NTN1: variants seen among roughly 807,000 people sequenced by gnomAD.
The protein encoded by NTN1 is netrin 1, also known as netrin-1.
In NTN1, 11 loss-of-function variants were observed where a neutral mutation model predicts 54.2. The observed-to-expected ratio is 0.20, with a 90% CI of 0.13 to 0.34. The LOEUF is 0.34. Among genes scored for constraint, NTN1 ranks in the 10% least tolerant of loss-of-function variants. NTN1 has a pLI of 1.00. For missense variants in NTN1, 740 were observed against 893.1 expected (o/e 0.83, Z 2.18); for synonymous variants, 371 against 382.0 (o/e 0.97, Z 0.33).
intron 3 of NTN1, among the ~76,000 whole-genome samples, chr17:9,164,835 A>G (rs966058794): frequency 6.6e-6 from 1 of 152,184 alleles, no homozygotes; most frequent in Non-Finnish European, 1.5e-5. Flanking sequence ...CCCCCAGAAG[A>G]CTGAGCAGAG....
At chr17:9,185,627 A>G (rs984591325) in intron 5 of NTN1, among the ~76,000 whole-genome samples, 5 of 151,998 alleles carry the variant, frequency 3.3e-5, no homozygotes, top group Non-Finnish European at 5.9e-5. Flanking sequence ...GGAAACAGGG[A>G]GGAAAGGAGA....
chr17:9,137,559 A>G (rs1597501985), intron 2 of NTN1, among the ~76,000 whole-genome samples: 1 of 152,154 alleles, frequency 6.6e-6, no homozygotes, highest in Non-Finnish European at 1.5e-5. Flanking sequence ...TTGGGAGGCC[A>G]AGGTGGGTGG....
At chr17:9,062,236 A>G (rs985957174) in intron 2 of NTN1, among the ~76,000 whole-genome samples, 1 of 152,198 alleles carries the variant, frequency 6.6e-6, no homozygotes, top group Non-Finnish European at 1.5e-5. Flanking sequence ...CCAATTCCGA[A>G]TGAGGGGCCA....
chr17:9,053,317 C>T (rs1019567618), intron 2 of NTN1, among the ~76,000 whole-genome samples: 8 of 152,120 alleles, frequency 5.3e-5, no homozygotes, highest in South Asian at 2.1e-4. Context: ...CCAACACTGG[C>T]GAAAATGGAA....
chr17:9,218,109 A>G (rs984267658), intron 5 of NTN1, among the ~76,000 whole-genome samples: 6 of 152,154 alleles, frequency 3.9e-5, no homozygotes, highest in African/African-American at 9.7e-5. Context: ...CCATCTGGGG[A>G]ACATTAAAAC....
chr17:9,218,021 A>C (rs1905251574), intron 5 of NTN1, among the ~76,000 whole-genome samples: 2 of 152,200 alleles, frequency 1.3e-5, no homozygotes, highest in South Asian at 4.1e-4. Flanking sequence ...TGCTCTGTGC[A>C]AATCATGGGT....
intron 2 of NTN1, among the ~76,000 whole-genome samples, chr17:9,042,837 C>G (rs1257521894): frequency 6.0e-5 from 9 of 150,732 alleles, no homozygotes; most frequent in Non-Finnish European, 1.0e-4. Flanking sequence ...CTTTATATTG[C>G]CTTTTGTATC....
chr17:9,163,109 C>T (rs991659380), intron 3 of NTN1, 108 bp downstream of exon 3: 11 of 1,140,346 alleles, frequency 9.6e-6, no homozygotes, highest in South Asian at 6.1e-5. Context: ...TACAAATTGG[C>T]GTTGTCTGAG....
chr17:9,107,805 T>C (rs1210356385), intron 2 of NTN1, among the ~76,000 whole-genome samples: 2 of 152,102 alleles, frequency 1.3e-5, no homozygotes, highest in African/African-American at 2.4e-5. Flanking sequence ...TGACAAAAAC[T>C]GCATGGGCCG....
In NTN1 at chr17:9,021,555, C is replaced by G. The variant is rs2091847957; in HGVS notation, c.-94C>G. The G allele has an allele frequency of 6.6e-6, 1 of 151,562 alleles. No individual in the cohort carries two copies. Among genetic ancestry groups the G allele is most frequent in the South Asian group, 1.8e-4 (1 of 5,470 alleles). The allele number at this position is 151,562 out of a possible 1,614,324, so 9.4% of individuals were successfully genotyped here. On this transcript the variant is annotated 5_prime_UTR_variant, in exon 1 of 7. Transcript: ENST00000173229. ...CGGCGGCGGAGCCTTCGGGGGCGAGCGCGCGTGTGTGTGAGTGCGCGCCGG... is the reference window on the plus strand; with the variant it reads ...CGGCGGCGGAGCCTTCGGGGGCGAGGGCGCGTGTGTGTGAGTGCGCGCCGG...
intron 2 of NTN1, among the ~76,000 whole-genome samples, chr17:9,069,191 T>C (rs947992547): frequency 6.6e-6 from 1 of 152,090 alleles, no homozygotes; most frequent in African/African-American, 2.4e-5. Flanking sequence ...AAAACACTTT[T>C]CCCAACTGCT....
chr17:9,155,159 C>T (rs1053042527), intron 2 of NTN1, among the ~76,000 whole-genome samples: 8 of 152,240 alleles, frequency 5.3e-5, no homozygotes, highest in Middle Eastern at 6.8e-3. Context: ...CTCTGGTCAC[C>T]GTTGAAAACA....
At chr17:9,190,385 T>C (rs987315353) in intron 5 of NTN1, among the ~76,000 whole-genome samples, 1 of 152,202 alleles carries the variant, frequency 6.6e-6, no homozygotes, top group African/African-American at 2.4e-5. Flanking sequence ...TGAAACACGA[T>C]TCCTAAATTC....
At chr17:9,082,094 C>A (rs1815160) in intron 2 of NTN1, among the ~76,000 whole-genome samples, 3 of 151,984 alleles carry the variant, frequency 2.0e-5, no homozygotes, top group Non-Finnish European at 4.4e-5. Flanking sequence ...GAGTCTTGCT[C>A]TGTCCCCCAG....
At position 9,236,431 on chromosome 17, in the gene NTN1, C is replaced by T. The variant is rs148343553; in HGVS notation, c.1487-3209C>T. The stretch of plus-strand genomic sequence containing the variant: ...TCTGTTTGAGGTCACTGTTGCAATG[C>T]GCATTTTGAATATTTTCAGCTGTAT... On this transcript the variant is annotated intron_variant, in intron 6 of 6. Transcript: ENST00000173229. Among the ~76,000 whole-genome samples the T allele has an allele frequency of 1.2e-3, 181 of 152,324 alleles. 1 individual carries two copies. The highest frequency in any genetic ancestry group is 4.0e-3 in the African/African-American group (165 of 41,566).
chr17:9,152,072 A>G (rs2092329158), intron 2 of NTN1, among the ~76,000 whole-genome samples: 1 of 152,192 alleles, frequency 6.6e-6, no homozygotes, highest in Non-Finnish European at 1.5e-5. Context: ...CATGAGTGGC[A>G]ATCCACTCGG....
chr17:9,190,470 C>T (rs2142326992), intron 5 of NTN1, among the ~76,000 whole-genome samples: 1 of 152,214 alleles, frequency 6.6e-6, no homozygotes, highest in Admixed American at 6.5e-5. Flanking sequence ...ATTTGCCCTA[C>T]CAGATATTTA....
At chr17:9,010,439 G>T in the NTN1 span, among the ~76,000 whole-genome samples, 1 of 152,188 alleles carries the variant, frequency 6.6e-6, no homozygotes, top group Non-Finnish European at 1.5e-5. Context: ...AGTGTTGTGG[G>T]GAGGGAAGGA....
chr17:9,016,580 T>C (rs1387311736), upstream of NTN1, among the ~76,000 whole-genome samples: 2 of 152,258 alleles, frequency 1.3e-5, no homozygotes, highest in Admixed American at 6.5e-5. Flanking sequence ...GTTACTCATT[T>C]TTAATTAATT....
Sources: gnomAD v4.1 joint callset for allele counts (sites outside exome capture counted in the v4.1 genomes callset) on GRCh38, gnomAD v4.1.1 for gene constraint, MANE v1.5 for transcripts, NCBI Gene and HGNC (gene_info 2026-07-23, HGNC 2026-07-21) for gene names.